Variants in CALCR observed in about 807,000 individuals in gnomAD.
CALCR encodes the protein calcitonin receptor.
CALCR carries 47 observed loss-of-function variants against 59.5 expected under a neutral mutation model. The observed-to-expected ratio is 0.79, with a 90% confidence interval of 0.63 to 1.01. The LOEUF (loss-of-function observed/expected upper bound fraction) is 1.01. CALCR is among the 50% of genes least tolerant of loss of function. CALCR has a pLI of 0.00. For synonymous variants in CALCR, 213 were observed against 211.3 expected, an observed-to-expected ratio of 1.01 and a Z score of -0.07; for missense variants, 566 against 597.1, an observed-to-expected ratio of 0.95 and a Z score of 0.54.
chr7:93,468,843 G>C (rs766068186), intron 6 of CALCR, 37 bp from the exon 7 acceptor site: 18 of 511,002 alleles, frequency 3.5e-5, no homozygotes, highest in South Asian at 1.3e-4. Context: ...AACAATGAAT[G>C]AATGATTCAT....
intron 5 of CALCR, among the ~76,000 whole-genome samples, chr7:93,473,112 G>A (rs184374691): frequency 6.8e-4 from 103 of 151,768 alleles, no homozygotes; most frequent in Middle Eastern, 3.4e-3. Context: ...AAAATATATA[G>A]GGATCCAGGC....
At chr7:93,523,874 C>A (rs1381552749) in intron 2 of CALCR, among the ~76,000 whole-genome samples, 1 of 151,882 alleles carries the variant, frequency 6.6e-6, no homozygotes, top group Non-Finnish European at 1.5e-5. Context: ...CTTTTGAAGT[C>A]ACTGATTTTC....
chr7:93,434,252 C>T lies in CALCR; in HGVS notation c.1191+1G>A, dbSNP rs551183900. 1.1e-5 allele frequency: 17 copies of T among 1,605,988 alleles called. No homozygotes were observed. In the South Asian group the frequency reaches 1.8e-4, roughly 17 times the overall value. On this transcript the variant is annotated splice_donor_variant, in intron 13 of 13. Coordinates refer to ENST00000426151, the MANE Select transcript of CALCR (RefSeq NM_001742.4). LOFTEE classifies it high-confidence loss of function. ...TAGTATTATATGAAATGCATGCTTA[C>T]CTCATTGTTGCAGAAGCAGTAGATG...
chr7:93,509,125 A>G (rs1286609313), intron 2 of CALCR, among the ~76,000 whole-genome samples: 1 of 152,084 alleles, frequency 6.6e-6, no homozygotes, highest in Non-Finnish European at 1.5e-5. Context: ...GCTCAGGTAA[A>G]AGCATGGTGC....
At chr7:93,483,693 G>A (rs564444163) in intron 3 of CALCR, among the ~76,000 whole-genome samples, 1 of 151,594 alleles carries the variant, frequency 6.6e-6, no homozygotes, top group South Asian at 2.1e-4. Context: ...GTAGTGATTG[G>A]ATGAAACTAC....
chr7:93,544,964 T>C (rs1025847866), intron 2 of CALCR, among the ~76,000 whole-genome samples: 6 of 152,142 alleles, frequency 3.9e-5, no homozygotes, highest in Admixed American at 6.6e-5. Context: ...TGAACTCATC[T>C]TTTCTGGAGC....
At chr7:93,438,338 A>G (rs941853793) in intron 9 of CALCR, 68 bp from the exon 10 acceptor site, 10 of 1,160,224 alleles carry the variant, frequency 8.6e-6, no homozygotes, top group African/African-American at 1.5e-5. Context: ...AGCTGCATGG[A>G]CAATGGTAGT....
chr7:93,547,627 C>T (rs1052066857), intron 2 of CALCR, among the ~76,000 whole-genome samples: 5 of 152,138 alleles, frequency 3.3e-5, no homozygotes, highest in Non-Finnish European at 5.9e-5. Flanking sequence ...CACAGGTCAA[C>T]CATGTGGGGT....
chr7:93,499,078 C>T (rs1463024113), intron 2 of CALCR, among the ~76,000 whole-genome samples: 1 of 151,568 alleles, frequency 6.6e-6, no homozygotes, highest in African/African-American at 2.4e-5. Flanking sequence ...GACAACTGGA[C>T]TATAATTAAA....
At chr7:93,439,893 A>T (rs1321971539) in intron 9 of CALCR, among the ~76,000 whole-genome samples, 2 of 152,154 alleles carry the variant, frequency 1.3e-5, no homozygotes, top group Non-Finnish European at 2.9e-5. Context: ...AGTTACTTCA[A>T]TTGGAGAGAA....
intron 2 of CALCR, among the ~76,000 whole-genome samples, chr7:93,527,455 G>A (rs932010143): frequency 2.0e-4 from 31 of 152,022 alleles, no homozygotes; most frequent in African/African-American, 7.0e-4. Context: ...AATTACTTCC[G>A]TACTATAATT....
intron 9 of CALCR, among the ~76,000 whole-genome samples, chr7:93,439,417 G>C (rs1799850969): frequency 6.6e-6 from 1 of 152,092 alleles, no homozygotes; most frequent in Non-Finnish European, 1.5e-5. Context: ...TTTTGAGATG[G>C]ATATTTTAGA....
chr7:93,491,744 A>G (rs1470800467), intron 2 of CALCR, among the ~76,000 whole-genome samples: 1 of 151,858 alleles, frequency 6.6e-6, no homozygotes. Flanking sequence ...TAAAAAGTCA[A>G]GAAACCATAG....
chr7:93,529,604 T>A (rs13237240), intron 2 of CALCR, among the ~76,000 whole-genome samples: 12,687 of 152,270 alleles, frequency 0.083, 584 homozygotes, highest in African/African-American at 0.092. Context: ...AGGTAGCCTA[T>A]AGACGTCAGA....
intron 8 of CALCR, among the ~76,000 whole-genome samples, chr7:93,456,441 A>C (rs1277521754): frequency 6.6e-6 from 1 of 152,072 alleles, no homozygotes; most frequent in Non-Finnish European, 1.5e-5. Flanking sequence ...TGTAGAAAAA[A>C]AAAAACAGTT....
chr7:93,571,369 C>A (rs531014421), intron 2 of CALCR, among the ~76,000 whole-genome samples: 2 of 151,940 alleles, frequency 1.3e-5, no homozygotes, highest in African/African-American at 4.8e-5. Context: ...TGGCATATAA[C>A]AATAAAAATT....
At chr7:93,434,162 T>G in intron 13 of CALCR, 91 bp downstream of exon 13, 8 of 873,014 alleles carry the variant, frequency 9.2e-6, no homozygotes, top group Non-Finnish European at 1.6e-5. Flanking sequence ...ACTGTAGAAG[T>G]GAGATGAAAT....
intron 2 of CALCR, among the ~76,000 whole-genome samples, chr7:93,533,073 T>C (rs1445005990): frequency 6.6e-6 from 1 of 151,930 alleles, no homozygotes; most frequent in African/African-American, 2.4e-5. Flanking sequence ...TTTTTATCCT[T>C]GTTATTCAAT....
intron 2 of CALCR, among the ~76,000 whole-genome samples, chr7:93,505,994 A>G (rs150042669): frequency 1.3e-5 from 2 of 152,264 alleles, no homozygotes; most frequent in Admixed American, 1.3e-4. Flanking sequence ...TGTAAATCAG[A>G]TATTGCTTTG....
Sources: allele counts gnomAD v4.1 joint callset (sites outside exome capture counted in the v4.1 genomes callset), GRCh38; gene constraint gnomAD v4.1.1; transcripts MANE v1.5; gene names NCBI Gene and HGNC (gene_info 2026-07-23, HGNC 2026-07-21).